UNC13C: variants seen among roughly 807,000 people sequenced by gnomAD.
UNC13C encodes the protein unc-13 homolog C.
Under a neutral mutation model 245.4 loss-of-function variants are expected in UNC13C, and 174 were observed. The ratio of observed to expected loss-of-function variants is 0.71; its 90% CI spans 0.63 to 0.80. The LOEUF (loss-of-function observed/expected upper bound fraction) is 0.80. Among genes scored for constraint, UNC13C ranks in the 30% least tolerant of loss-of-function variants. The pLI is 0.00. For synonymous variants in UNC13C, 992 were observed against 895.1 expected, an observed-to-expected ratio of 1.11 and a Z score of -1.93; for missense variants, 2,829 against 2,602.9, an observed-to-expected ratio of 1.09 and a Z score of -1.89.
At chr15:54,276,870 G>C (rs915611689) in intron 10 of UNC13C, among the ~76,000 whole-genome samples, 2 of 151,840 alleles carry the variant, frequency 1.3e-5, no homozygotes, top group African/African-American at 4.8e-5. Flanking sequence ...CCTAAGTTTT[G>C]AGCTACTTAA....
At chr15:54,165,402 T>C (rs1026707773) in intron 4 of UNC13C, among the ~76,000 whole-genome samples, 1 of 152,186 alleles carries the variant, frequency 6.6e-6, no homozygotes, top group African/African-American at 2.4e-5. Flanking sequence ...CATTATTTCA[T>C]TGAATTCTCA....
intron 12 of UNC13C, among the ~76,000 whole-genome samples, chr15:54,298,878 T>C (rs2037503242): frequency 6.6e-6 from 1 of 152,162 alleles, no homozygotes; most frequent in African/African-American, 2.4e-5. Context: ...AGTTCTACTT[T>C]TGTGCATATT....
At chr15:54,171,595 A>G (rs1414484097) in intron 4 of UNC13C, among the ~76,000 whole-genome samples, 2 of 152,158 alleles carry the variant, frequency 1.3e-5, no homozygotes, top group Non-Finnish European at 2.9e-5. Flanking sequence ...ACCAAAAGAC[A>G]GACAATAACA....
chr15:54,575,442 A>G (rs1214865017), intron 30 of UNC13C, among the ~76,000 whole-genome samples: 3 of 152,206 alleles, frequency 2.0e-5, no homozygotes, highest in Admixed American at 6.5e-5. Context: ...TCCTCAAACT[A>G]TATTCCAGAA....
chr15:53,928,574 A>T, the UNC13C span, among the ~76,000 whole-genome samples: 1 of 151,872 alleles, frequency 6.6e-6, no homozygotes, highest in Non-Finnish European at 1.5e-5. Context: ...CCCAACAGAG[A>T]TAGAATATCT....
At chr15:54,124,291 C>T (rs1170970450) in intron 2 of UNC13C, among the ~76,000 whole-genome samples, 1 of 152,188 alleles carries the variant, frequency 6.6e-6, no homozygotes, top group African/African-American at 2.4e-5. Context: ...TCACAGCATC[C>T]TCTCCACCAT....
the UNC13C span, among the ~76,000 whole-genome samples, chr15:53,971,216 C>A: frequency 6.6e-6 from 1 of 152,070 alleles, no homozygotes; most frequent in Admixed American, 6.6e-5. Context: ...GCCTCTTCAA[C>A]AAATAATGTT....
chr15:54,236,995 G>C (rs1406552542), intron 6 of UNC13C, among the ~76,000 whole-genome samples: 1 of 152,088 alleles, frequency 6.6e-6, no homozygotes, highest in Admixed American at 6.6e-5. Context: ...GTAGATAGTG[G>C]TGGTTATGGT....
intron 4 of UNC13C, among the ~76,000 whole-genome samples, chr15:54,205,785 A>G (rs2034689187): frequency 6.6e-6 from 1 of 151,998 alleles, no homozygotes; most frequent in African/African-American, 2.4e-5. Context: ...CAAACACCTC[A>G]CTTTTCACAG....
the UNC13C span, among the ~76,000 whole-genome samples, chr15:53,947,052 A>AT: frequency 6.6e-6 from 1 of 152,136 alleles, no homozygotes; most frequent in South Asian, 2.1e-4. Context: ...GAAACTTTCA[A>AT]TTTTTTATCT....
At chr15:54,101,875 T>C (rs1020584684) in intron 2 of UNC13C, among the ~76,000 whole-genome samples, 5 of 151,828 alleles carry the variant, frequency 3.3e-5, no homozygotes, top group Admixed American at 6.6e-5. Flanking sequence ...TGAGCCACCG[T>C]GCCCGGCCAT....
the UNC13C span, among the ~76,000 whole-genome samples, chr15:53,873,716 C>T: frequency 0.1 from 114 of 1,142 alleles, no homozygotes; most frequent in East Asian, 0.4. Flanking sequence ...TTCCATGAGG[C>T]GGAAAGGGGG....
the UNC13C span, among the ~76,000 whole-genome samples, chr15:53,921,509 TG>T: frequency 6.6e-6 from 1 of 152,354 alleles, no homozygotes; most frequent in Admixed American, 6.5e-5. Flanking sequence ...GACTATATAT[TG>T]CATACGAAAG....
upstream of UNC13C, among the ~76,000 whole-genome samples, chr15:53,976,148 C>G (rs1050893241): frequency 7.9e-5 from 12 of 152,168 alleles, no homozygotes. Context: ...AGCTCTGTCA[C>G]TCTAACGGCA....
intron 30 of UNC13C, among the ~76,000 whole-genome samples, chr15:54,605,574 A>G (rs1899725565): frequency 6.6e-6 from 1 of 152,126 alleles, no homozygotes. Flanking sequence ...TTCTAATGTA[A>G]TTGTCCTGGC....
chr15:53,874,029 T>G, the UNC13C span, among the ~76,000 whole-genome samples: 1 of 151,600 alleles, frequency 6.6e-6, no homozygotes, highest in African/African-American at 2.4e-5. Flanking sequence ...CAGGCTGGAG[T>G]GCAGTGATAT....
the UNC13C span, among the ~76,000 whole-genome samples, chr15:53,947,023 G>A: frequency 6.6e-6 from 1 of 152,106 alleles, no homozygotes; most frequent in Admixed American, 6.6e-5. Flanking sequence ...TGTTATGCTT[G>A]GAATGTAAGC....
chr15:54,220,604 AAAAT>A (rs1207664068), intron 4 of UNC13C, among the ~76,000 whole-genome samples: 1 of 147,094 alleles, frequency 6.8e-6, no homozygotes, highest in Non-Finnish European at 1.5e-5. Flanking sequence ...AATAATAATA[AAAAT>A]AAAAAAAATT....
intron 15 of UNC13C, 66 bp from the exon 16 acceptor site, chr15:54,333,701 T>A (rs1374873572): frequency 2.1e-6 from 2 of 973,228 alleles, no homozygotes; most frequent in African/African-American, 3.2e-5. Flanking sequence ...AAGCTAGTTT[T>A]AGTTTATTTT....
Sources: allele counts gnomAD v4.1 joint callset (sites outside exome capture counted in the v4.1 genomes callset), GRCh38; gene constraint gnomAD v4.1.1; transcripts MANE v1.5; gene names NCBI Gene and HGNC (gene_info 2026-07-23, HGNC 2026-07-21).